Variants in PIP5K1B observed in about 807,000 individuals in gnomAD.
The protein encoded by PIP5K1B is phosphatidylinositol-4-phosphate 5-kinase type 1 beta, also known as phosphatidylinositol 4-phosphate 5-kinase type-1 beta.
Under a neutral mutation model 67.0 loss-of-function variants are expected in PIP5K1B, and 42 were observed. The ratio of observed to expected loss-of-function variants is 0.63; its 90% CI spans 0.49 to 0.81. The LOEUF is 0.81. PIP5K1B is among the 30% of genes least tolerant of loss of function. The pLI is 0.00. For synonymous variants in PIP5K1B, 214 were observed against 231.4 expected (o/e 0.92, Z 0.68); for missense variants, 459 against 646.3 (o/e 0.71, Z 3.14).
intron 2 of PIP5K1B, among the ~76,000 whole-genome samples, chr9:68,817,664 A>C (rs1833512544): frequency 6.6e-6 from 1 of 151,800 alleles, no homozygotes. Flanking sequence ...TAAAACAAAC[A>C]GACTGTTTAT....
In PIP5K1B at chr9:68,917,777, C is replaced by T; in HGVS notation, c.983+18C>T. ...CCAGACACGTAAGTGCAGCCACACA[C>T]CTACCCACCCTCTTGACTGTGGCAG... On this transcript the variant is annotated intron_variant, in intron 9 of 15. Coordinates refer to ENST00000265382, the MANE Select transcript of PIP5K1B (RefSeq NM_003558.4). 1 of 1,578,484 alleles carries T rather than the reference C, an allele frequency of 6.3e-7. No homozygotes were observed. Among genetic ancestry groups the T allele is most frequent in the Non-Finnish European group, 8.7e-7 (1 of 1,148,174 alleles).
At chr9:68,952,115 A>G (rs2132693462) in intron 14 of PIP5K1B, among the ~76,000 whole-genome samples, 1 of 152,214 alleles carries the variant, frequency 6.6e-6, no homozygotes, top group South Asian at 2.1e-4. Context: ...GGCTTTGTGA[A>G]TAGTGTCATA....
intron 13 of PIP5K1B, among the ~76,000 whole-genome samples, chr9:68,939,441 G>A (rs1275448076): frequency 6.6e-6 from 1 of 152,178 alleles, no homozygotes; most frequent in Non-Finnish European, 1.5e-5. Context: ...GTTATGGAGA[G>A]TTTTCATGTT....
rs1830349141 is a variant in PIP5K1B at position 68,991,210 on chromosome 9, A to G, written c.1573A>G (p.Thr525Ala). 18 of 1,611,888 alleles carry G rather than the reference A, an allele frequency of 1.1e-5. No homozygotes were observed. The highest frequency in any genetic ancestry group is 1.7e-5 in the Admixed American group (1 of 59,958). The change falls in exon 15 of 16, where the codon ACT becomes GCT. Residue 525 changes from threonine (T) to alanine (A), a missense_variant. Coordinates refer to ENST00000265382, the MANE Select transcript of PIP5K1B (RefSeq NM_003558.4). Reference protein sequence around the residue: ...GTIYLTAEPNTLEVQDDNASV... With the variant: ...GTIYLTAEPNALEVQDDNASV... ...CATCTACTTGACCGCTGAGCCCAACACTCTGGAAGTGCAGGATGACAATGC... is the reference window on the plus strand; with the variant it reads ...CATCTACTTGACCGCTGAGCCCAACGCTCTGGAAGTGCAGGATGACAATGC...
rs1382545098 is a variant in PIP5K1B, at chr9:68,940,113, G to A, written c.1358-533G>A. 3.3e-5 allele frequency among the ~76,000 whole-genome samples: 5 copies of A among 152,192 alleles called. No individual in the cohort carries two copies. In the South Asian group the frequency reaches 8.3e-4, roughly 25 times the overall value. On this transcript the variant is annotated intron_variant, in intron 13 of 15. Transcript: ENST00000265382. ...GTTAAAATATGTCAATAAGAGTCCT[G>A]GATAATGTTTAAAAGTATTTATGGG...
chr9:68,944,754 G>A (rs1827719833), intron 14 of PIP5K1B, among the ~76,000 whole-genome samples: 1 of 152,122 alleles, frequency 6.6e-6, no homozygotes, highest in African/African-American at 2.4e-5. Context: ...TAGAACAGGG[G>A]TGGAAACACT....
intron 5 of PIP5K1B, among the ~76,000 whole-genome samples, chr9:68,870,837 G>A (rs145134593): frequency 1.1e-4 from 16 of 152,292 alleles, no homozygotes; most frequent in East Asian, 3.9e-4. Context: ...CAGGAGTTGC[G>A]TAAGTACTAG....
At chr9:68,815,053 A>G (rs1833366668) in intron 2 of PIP5K1B, among the ~76,000 whole-genome samples, 1 of 152,146 alleles carries the variant, frequency 6.6e-6, no homozygotes, top group Non-Finnish European at 1.5e-5. Context: ...TGATAAAACA[A>G]AAAATTGACA....
At chr9:68,904,013 A>G (rs1450999716) in intron 8 of PIP5K1B, among the ~76,000 whole-genome samples, 1 of 152,226 alleles carries the variant, frequency 6.6e-6, no homozygotes, top group Non-Finnish European at 1.5e-5. Flanking sequence ...TCTATTACAT[A>G]TAGGTTCTCT....
Position 68,815,431 on chromosome 9 carries a change from T to C in PIP5K1B, c.-85-3030T>C, listed in dbSNP as rs1423450781. The stretch of plus-strand genomic sequence containing the variant: ...GACTAATGAAAATATGTATATAATA[T>C]AAAGAATGTACATATACACATGCAA... On this transcript the variant is annotated intron_variant, in intron 2 of 15. Coordinates refer to ENST00000265382, the MANE Select transcript of PIP5K1B (RefSeq NM_003558.4). 2.0e-5 allele frequency among the ~76,000 whole-genome samples: 3 copies of C among 151,792 alleles called. No homozygotes were observed. In the East Asian group the frequency reaches 5.8e-4, roughly 29 times the overall value.
At chr9:68,716,589 C>T (rs755034953) in intron 1 of PIP5K1B, among the ~76,000 whole-genome samples, 1 of 152,102 alleles carries the variant, frequency 6.6e-6, no homozygotes, top group Non-Finnish European at 1.5e-5. Flanking sequence ...ATAACATAGG[C>T]TGGCAAGGTT....
chr9:68,853,868 A>G (rs1822622550), intron 4 of PIP5K1B, among the ~76,000 whole-genome samples: 1 of 152,052 alleles, frequency 6.6e-6, no homozygotes, highest in South Asian at 2.1e-4. Flanking sequence ...TTACAACTGT[A>G]CTCTTCAAAA....
intron 15 of PIP5K1B, among the ~76,000 whole-genome samples, chr9:68,999,962 C>T (rs1013259644): frequency 1.1e-4 from 17 of 152,160 alleles, no homozygotes; most frequent in African/African-American, 3.1e-4. Flanking sequence ...CAGCAGGCGG[C>T]GGGGGTATGT....
At chr9:68,865,395 C>T (rs1013295663) in intron 5 of PIP5K1B, among the ~76,000 whole-genome samples, 1 of 151,890 alleles carries the variant, frequency 6.6e-6, no homozygotes, top group East Asian at 1.9e-4. Flanking sequence ...TTTTTAGGCT[C>T]ATAATGCTTG....
At chr9:68,753,453 C>A (rs1587390679) in intron 2 of PIP5K1B, among the ~76,000 whole-genome samples, 3 of 150,780 alleles carry the variant, frequency 2.0e-5, no homozygotes, top group African/African-American at 7.3e-5. Flanking sequence ...AATTCTCCTG[C>A]CGCAGCCTCC....
intron 6 of PIP5K1B, among the ~76,000 whole-genome samples, chr9:68,887,549 G>A (rs549596237): frequency 1.1e-4 from 16 of 152,312 alleles, no homozygotes; most frequent in African/African-American, 3.8e-4. Context: ...AAATAAGTGA[G>A]AACATGCAAT....
chr9:68,741,804 C>G (rs891038824), intron 1 of PIP5K1B, among the ~76,000 whole-genome samples: 2 of 152,156 alleles, frequency 1.3e-5, no homozygotes, highest in African/African-American at 4.8e-5. Context: ...ACTTTCTCCT[C>G]CATGGGCCCG....
chr9:68,978,111 TCTATCACC>T (rs768198756), intron 14 of PIP5K1B, among the ~76,000 whole-genome samples: 8 of 152,202 alleles, frequency 5.3e-5, no homozygotes, highest in Admixed American at 2.0e-4. Context: ...AATTAACATA[TCTATCACC>T]TCACGTGGTT....
In PIP5K1B at chr9:68,800,396, G is replaced by A. The variant is rs111871456; in HGVS notation, c.-85-18065G>A. ...GCACATGCACAGGTGTTTGTTAAAT[G>A]GATGAGTAATCCAGTTTTCCTTGTT... On this transcript the variant is annotated intron_variant, in intron 2 of 15. Coordinates refer to ENST00000265382, the MANE Select transcript of PIP5K1B (RefSeq NM_003558.4). 6.0e-4 allele frequency among the ~76,000 whole-genome samples: 92 copies of A among 152,312 alleles called. 1 individual carries two copies. The highest frequency in any genetic ancestry group is 2.1e-3 in the African/African-American group (86 of 41,574).
Sources: gnomAD v4.1 joint callset for allele counts (sites outside exome capture counted in the v4.1 genomes callset) on GRCh38, gnomAD v4.1.1 for gene constraint, MANE v1.5 for transcripts, NCBI Gene and HGNC (gene_info 2026-07-23, HGNC 2026-07-21) for gene names.